PHF21B: variants seen among roughly 807,000 people sequenced by gnomAD.
PHF21B encodes PHD finger protein 21B.
In PHF21B, 22 loss-of-function variants were observed where a neutral mutation model predicts 62.2. The ratio of observed to expected loss-of-function variants is 0.35; its 90% CI spans 0.25 to 0.51. The LOEUF is 0.51. Among genes scored for constraint, PHF21B ranks in the 20% least tolerant of loss-of-function variants. The pLI, the probability that PHF21B is intolerant of heterozygous loss-of-function variation, is 0.97. For synonymous variants in PHF21B, 341 were observed against 314.7 expected, an observed-to-expected ratio of 1.08 and a Z score of -0.88; for missense variants, 701 against 707.9, an observed-to-expected ratio of 0.99 and a Z score of 0.11.
chr22:44,999,985 C>CTTTG lies in PHF21B; in HGVS notation c.120+8559_120+8560insCAAA, dbSNP rs2073185414. Among the ~76,000 whole-genome samples, 8 of 152,274 alleles carry CTTTG rather than the reference C, an allele frequency of 5.3e-5. No homozygotes were observed. In the South Asian group the frequency reaches 1.7e-3, roughly 32 times the overall value. ...CCTCTCGAAGATTGTTTCTTGAGTG[C>CTTTG]TCACCGAGCACCAGGCACTCTGCTG... On this transcript the variant is annotated intron_variant, in intron 2 of 12. Transcript: ENST00000313237.
At chr22:44,984,522 C>T (rs182096612) in intron 2 of PHF21B, among the ~76,000 whole-genome samples, 4 of 152,230 alleles carry the variant, frequency 2.6e-5, no homozygotes, top group South Asian at 2.1e-4. Flanking sequence ...GAACAGAGCT[C>T]GGGGATTCAG....
intron 5 of PHF21B, among the ~76,000 whole-genome samples, chr22:44,908,768 G>A (rs2071295305): frequency 6.6e-6 from 1 of 152,106 alleles, no homozygotes; most frequent in African/African-American, 2.4e-5. Flanking sequence ...AGCAGTCTGT[G>A]CAGCACAGCT....
At chr22:44,981,410 G>A (rs1330222572) in intron 2 of PHF21B, among the ~76,000 whole-genome samples, 2 of 152,178 alleles carry the variant, frequency 1.3e-5, no homozygotes, top group African/African-American at 4.8e-5. Context: ...TTACTGATCT[G>A]TCTGCAGATC....
chr22:44,965,870 G>A (rs560834507), intron 2 of PHF21B, among the ~76,000 whole-genome samples: 1 of 152,256 alleles, frequency 6.6e-6, no homozygotes, highest in Non-Finnish European at 1.5e-5. Flanking sequence ...CCTAGGCACA[G>A]GGGGTCAGGA....
chr22:44,956,099 G>A (rs953044524), intron 2 of PHF21B, among the ~76,000 whole-genome samples: 3 of 152,220 alleles, frequency 2.0e-5, no homozygotes, highest in African/African-American at 7.2e-5. Flanking sequence ...GAGCCCTCCA[G>A]CTTGACGACA....
chr22:44,978,732 T>C (rs566165800), intron 2 of PHF21B, among the ~76,000 whole-genome samples: 1 of 152,246 alleles, frequency 6.6e-6, no homozygotes, highest in Non-Finnish European at 1.5e-5. Flanking sequence ...CCGCCCTTTT[T>C]TCCTCTTCTA....
intron 2 of PHF21B, 78 bp from the exon 3 acceptor site, chr22:44,920,568 AG>A (rs1388049808): frequency 5.8e-6 from 6 of 1,041,524 alleles, no homozygotes; most frequent in South Asian, 1.5e-5. Flanking sequence ...CTGGCCAAGC[AG>A]GGGGCAGCTG....
In PHF21B at chr22:44,987,583, A is replaced by G. The variant is rs566559776; in HGVS notation, c.120+20962T>C. Among the ~76,000 whole-genome samples, 11 of 152,264 alleles carry G rather than the reference A, an allele frequency of 7.2e-5. No homozygotes were observed. In the South Asian group the frequency reaches 2.1e-3, roughly 29 times the overall value. On this transcript the variant is annotated intron_variant, in intron 2 of 12. Coordinates refer to ENST00000313237, the MANE Select transcript of PHF21B (RefSeq NM_138415.5). ...AGGTGAAGTTGGGGAGGCTGTGCAC[A>G]GGGTTAGAGCTCAGAGGAAGAAATC...
chr22:44,979,903 T>C (rs943409598), intron 2 of PHF21B, among the ~76,000 whole-genome samples: 1 of 151,712 alleles, frequency 6.6e-6, no homozygotes, highest in African/African-American at 2.4e-5. Context: ...ACCCGGTCTC[T>C]ACTAAAAATT....
intron 2 of PHF21B, among the ~76,000 whole-genome samples, chr22:44,993,576 C>T (rs1381694520): frequency 6.6e-6 from 1 of 152,262 alleles, no homozygotes; most frequent in Non-Finnish European, 1.5e-5. Context: ...AGTTGACACA[C>T]ACGCTTCTCC....
intron 2 of PHF21B, among the ~76,000 whole-genome samples, chr22:44,995,318 A>G (rs2073102287): frequency 6.6e-6 from 1 of 152,174 alleles, no homozygotes. Flanking sequence ...TTAGATCCAC[A>G]ATATGAGAGG....
intron 2 of PHF21B, among the ~76,000 whole-genome samples, chr22:44,953,474 G>T (rs2072234215): frequency 6.6e-6 from 1 of 151,882 alleles, no homozygotes; most frequent in African/African-American, 2.4e-5. Context: ...TATTTTTCCT[G>T]CTCTAATTTA....
chr22:44,978,276 C>A (rs2072775482), intron 2 of PHF21B, among the ~76,000 whole-genome samples: 1 of 152,142 alleles, frequency 6.6e-6, no homozygotes, highest in African/African-American at 2.4e-5. Context: ...ACCCAGGAGC[C>A]CCCAACACCG....
At chr22:44,963,482 G>A (rs994455570) in intron 2 of PHF21B, among the ~76,000 whole-genome samples, 11 of 152,332 alleles carry the variant, frequency 7.2e-5, no homozygotes, top group South Asian at 4.1e-4. Context: ...CTAAGATGAC[G>A]TGACCCATGG....
chr22:44,909,277 C>T (rs1010619319), intron 5 of PHF21B, among the ~76,000 whole-genome samples: 1 of 152,170 alleles, frequency 6.6e-6, no homozygotes, highest in Non-Finnish European at 1.5e-5. Flanking sequence ...TTTGAGAGAA[C>T]AAAGAGAATC....
At chr22:44,902,151 C>T (rs530669672) in intron 5 of PHF21B, 134 of 210,324 alleles carry the variant, frequency 6.4e-4, no homozygotes, top group African/African-American at 2.8e-3. Context: ...ATTGCCACCT[C>T]AACCAAAATT....
chr22:44,893,551 C>T lies in PHF21B; in HGVS notation c.884-18G>A, dbSNP rs374045140. 1 of 1,586,768 alleles carries T rather than the reference C, an allele frequency of 6.3e-7. No homozygotes were observed. Among genetic ancestry groups the T allele is most frequent in the Non-Finnish European group, 8.6e-7 (1 of 1,165,964 alleles). On this transcript the variant is annotated intron_variant, in intron 6 of 12. Coordinates refer to ENST00000313237, the MANE Select transcript of PHF21B (RefSeq NM_138415.5). Reference sequence around the variant, plus strand: ...CTGGATTTCTGGAAAGGCACAGACACAGCAGTTACTGGGTCCTGCCTGCCC... The same window carrying T: ...CTGGATTTCTGGAAAGGCACAGACATAGCAGTTACTGGGTCCTGCCTGCCC...
intron 5 of PHF21B, among the ~76,000 whole-genome samples, chr22:44,913,374 C>T (rs747819488): frequency 2.6e-5 from 4 of 152,142 alleles, no homozygotes; most frequent in African/African-American, 7.2e-5. Context: ...GGCCCATAGC[C>T]GGGGCCCCTA....
chr22:44,920,324 T>C (rs2071511948), intron 3 of PHF21B, 74 bp downstream of exon 3: 2 of 1,278,768 alleles, frequency 1.6e-6, no homozygotes. Context: ...GAAACCTCAG[T>C]GCTGAGGGGT....
Sources: gnomAD v4.1 joint callset for allele counts (sites outside exome capture counted in the v4.1 genomes callset) on GRCh38, gnomAD v4.1.1 for gene constraint, MANE v1.5 for transcripts, NCBI Gene and HGNC (gene_info 2026-07-23, HGNC 2026-07-21) for gene names.